The following PNMA5 variants were observed in gnomAD, a reference collection of about 807,000 sequenced individuals.
PNMA5 encodes the protein paraneoplastic antigen-like protein 5.
For missense variants in PNMA5, 334 were observed against 356.6 expected (o/e 0.94, Z 0.51); for synonymous variants, 138 against 137.9 (o/e 1.00, Z 0.00).
chrX:152,994,009 C>G (rs1273650003), intron 1 of PNMA5, 24 bp downstream of exon 1: 1 of 113,400 alleles, frequency 8.8e-6, no homozygotes, highest in African/African-American at 3.2e-5. Context: ...GGTTGCTGTC[C>G]GAGCCCGGGG....
rs1556924424 is a variant in PNMA5 at position 152,991,014 on chromosome X, C to T, written c.585G>A (p.Glu195=). 5.0e-6 allele frequency: 6 copies of T among 1,205,338 alleles called. No individual in the cohort carries two copies. The South Asian group carries it at 1.1e-4, about 22-fold the overall frequency. Reference sequence around the variant, plus strand: ...AGCTCTCCAGCAAACGCCGCCTCTTCTCCACCTCAGACACTTGCCATATGG... The same window carrying T: ...AGCTCTCCAGCAAACGCCGCCTCTTTTCCACCTCAGACACTTGCCATATGG... ...IMPIWQVSEV[E]KRRRLLESLR... Residue 195 remains glutamate, a synonymous_variant, in exon 4 of 4, where the codon GAG becomes GAA. Coordinates refer to ENST00000535214, the MANE Select transcript of PNMA5 (RefSeq NM_001184924.2).
In PNMA5 at chrX:152,990,921, C is replaced by T; in HGVS notation, c.678G>A (p.Gln226=). Residue 226 remains glutamine (Q), a synonymous_variant, in exon 4 of 4, where the codon CAG becomes CAA. Coordinates refer to ENST00000535214, the MANE Select transcript of PNMA5 (RefSeq NM_001184924.2). ...AGATCTGCTTTAGGGCGTCAAGGCA[C>T]TGCTCCACAGTTATGGAGTCATTGT... ...QANNDSITVE[Q]CLDALKQIFG... The T allele has an allele frequency of 1.7e-6, 2 of 1,202,445 alleles. No individual in the cohort carries two copies. Among genetic ancestry groups the T allele is most frequent in the Admixed American group, 4.5e-5 (2 of 44,723 alleles).
chrX:152,989,892 A>C lies in PNMA5; in HGVS notation c.*360T>G. On this transcript the variant is annotated 3_prime_UTR_variant, in exon 4 of 4. Coordinates refer to ENST00000535214, the MANE Select transcript of PNMA5 (RefSeq NM_001184924.2). ...ATGCTCAGCTCAAAGTCCACAGGGT[A>C]GATATTTGGGGGTGTCCAGAGGACC... 3.2e-5 allele frequency: 5 copies of C among 157,267 alleles called. No individual in the cohort carries two copies. Among genetic ancestry groups the C allele is most frequent in the Non-Finnish European group, 5.0e-5 (4 of 79,243 alleles). The allele number at this position is 157,267 out of a possible 1,213,427, so 13.0% of individuals were successfully genotyped here.
chrX:152,990,703 G>T lies in PNMA5; in HGVS notation c.896C>A (p.Thr299Asn). Reference protein sequence around the residue: ...LKHLLARVAMTPALRGKLELL... With the variant: ...LKHLLARVAMNPALRGKLELL... The stretch of plus-strand genomic sequence containing the variant: ...CTCCAGCTTGCCCCTGAGGGCGGGG[G>T]TCATGGCGACCCGAGCTAAGAGATG... Residue 299 changes from threonine (T) to asparagine (N), a missense_variant, in exon 4 of 4, where the codon ACC becomes AAC. Physicochemically the swap from Thr to Asn is moderately conservative, Grantham distance 65. Transcript: ENST00000535214. The T allele has an allele frequency of 8.4e-7, 1 of 1,197,458 alleles. No homozygotes were observed. Among genetic ancestry groups the T allele is most frequent in the Admixed American group, 2.3e-5 (1 of 43,809 alleles).
At position 152,991,454 on chromosome X, in the gene PNMA5, A is replaced by G. The variant is rs782379919; in HGVS notation, c.145T>C (p.Tyr49His). ...CTGAACATTCTCCCTAGGACCCTGT[A>G]TGCGCACAGGGGCTGTAAGCCTGCC... is the stretch of plus-strand genomic sequence containing the variant. ...VKAGLQPLCA[Y>H]RVLGRMFRRE... Residue 49 changes from tyrosine (Y) to histidine (H), a missense_variant, in exon 4 of 4, where the codon TAC becomes CAC. By Grantham distance (83) the Tyr-to-His change is moderately conservative (BLOSUM62 2). Transcript: ENST00000535214. The G allele has an allele frequency of 8.3e-7, 1 of 1,206,171 alleles. No homozygotes were observed. Among genetic ancestry groups the G allele is most frequent in the Admixed American group, 2.2e-5 (1 of 45,506 alleles).
intron 1 of PNMA5, among the ~76,000 whole-genome samples, 153 bp from the exon 2 acceptor site, chrX:152,992,939 G>A (rs974328121): frequency 1.3e-4 from 13 of 100,207 alleles, no homozygotes; most frequent in Non-Finnish European, 2.4e-4. Context: ...GGAGCGGAGC[G>A]GGGGGAGGAG....
At chrX:152,992,401 G>A (rs1162380847) in intron 2 of PNMA5, among the ~76,000 whole-genome samples, 1 of 112,309 alleles carries the variant, frequency 8.9e-6, no homozygotes, top group Non-Finnish European at 1.9e-5. Flanking sequence ...GGTGGGAGAG[G>A]GAAGGCGAGA....
Position 152,990,681 on chromosome X carries a change from C to T in PNMA5, c.918G>A (p.Leu306=). 1 of 1,190,872 alleles carries T rather than the reference C, an allele frequency of 8.4e-7. No homozygotes were observed. Among genetic ancestry groups the T allele is most frequent in the Non-Finnish European group, 1.1e-6 (1 of 887,592 alleles). The change falls in exon 4 of 4, where the codon CTG becomes CTA. Residue 306 remains leucine, a synonymous_variant. Coordinates refer to ENST00000535214, the MANE Select transcript of PNMA5 (RefSeq NM_001184924.2). ...VAMTPALRGK[L]ELLDQRGCPP... ...GACACCCTCGCTGATCCAAGAGCTCCAGCTTGCCCCTGAGGGCGGGGGTCA... is the reference window on the plus strand; with the variant it reads ...GACACCCTCGCTGATCCAAGAGCTCTAGCTTGCCCCTGAGGGCGGGGGTCA...
rs1160141295 is a variant in PNMA5, at chrX:152,989,684, T to A, written c.*568A>T. ...CACTGGTGCAGGGGCTTATGAATGC[T>A]GCCTTCCTGGGGCTCCCCTCATGCA... On this transcript the variant is annotated 3_prime_UTR_variant, in exon 4 of 4. Transcript: ENST00000535214. 1 of 121,040 alleles carries A rather than the reference T, an allele frequency of 8.3e-6. No homozygotes were observed. The highest frequency in any genetic ancestry group is 1.9e-5 in the Non-Finnish European group (1 of 53,660). The allele number at this position is 121,040 out of a possible 1,213,427, so 10.0% of individuals were successfully genotyped here.
chrX:152,992,325 G>A (rs1277925694), intron 2 of PNMA5: 1 of 112,335 alleles, frequency 8.9e-6, no homozygotes, highest in South Asian at 3.7e-4. Flanking sequence ...GTAAGGCCAA[G>A]GTCCTTGAAA....
chrX:152,991,995 A>C lies in PNMA5; in HGVS notation c.-199-18T>G, dbSNP rs1422116139. 1.5e-5 allele frequency: 2 copies of C among 129,462 alleles called. No homozygotes were observed. The highest frequency in any genetic ancestry group is 3.1e-5 in the Non-Finnish European group (2 of 65,313). The allele number at this position is 129,462 out of a possible 1,213,427, so 10.7% of individuals were successfully genotyped here. A position where few individuals can be genotyped will look rare whatever the true frequency, so the allele number is the denominator to read the frequency against. On this transcript the variant is annotated intron_variant, in intron 2 of 3. Transcript: ENST00000535214. ...TCGGGTGCCTGTAGTGAAAAGGCCAACGTCAGGAGGCAGGGCCTGACACCT... is the reference window on the plus strand; with the variant it reads ...TCGGGTGCCTGTAGTGAAAAGGCCACCGTCAGGAGGCAGGGCCTGACACCT...
intron 1 of PNMA5, among the ~76,000 whole-genome samples, 151 bp from the exon 2 acceptor site, chrX:152,992,937 G>T (rs908895182): frequency 3.3e-4 from 33 of 100,705 alleles, no homozygotes; most frequent in Admixed American, 1.6e-3. Flanking sequence ...AGGGAGCGGA[G>T]CGGGGGGAGG....
intron 1 of PNMA5, among the ~76,000 whole-genome samples, 152 bp from the exon 2 acceptor site, chrX:152,992,938 C>A (rs72616418): frequency 2.6e-5 from 2 of 77,284 alleles, no homozygotes; most frequent in Non-Finnish European, 4.9e-5. Context: ...GGGAGCGGAG[C>A]GGGGGGAGGA....
At chrX:152,992,938 CG>C (rs1187024330) in intron 1 of PNMA5, among the ~76,000 whole-genome samples, 152 bp from the exon 2 acceptor site, 1 of 77,284 alleles carries the variant, frequency 1.3e-5, no homozygotes, top group Non-Finnish European at 2.5e-5. Flanking sequence ...GGGAGCGGAG[CG>C]GGGGGAGGAG....
Position 152,992,691 on chromosome X carries a change from T to G in PNMA5, c.-234A>C, listed in dbSNP as rs1194243633. ...TTGGCCCTGCTGGCAGCGCGGATGCTGCAATAACACAGCCACTTCAGACTC... is the reference window on the plus strand; with the variant it reads ...TTGGCCCTGCTGGCAGCGCGGATGCGGCAATAACACAGCCACTTCAGACTC... On this transcript the variant is annotated 5_prime_UTR_variant, in exon 2 of 4. Coordinates refer to ENST00000535214, the MANE Select transcript of PNMA5 (RefSeq NM_001184924.2). 1 of 111,618 alleles carries G rather than the reference T, an allele frequency of 9.0e-6. No homozygotes were observed. Among genetic ancestry groups the G allele is most frequent in the Non-Finnish European group, 1.9e-5 (1 of 53,112 alleles). 9.2% of individuals were successfully genotyped at this position (111,618 alleles called of 1,213,427 possible).
rs2126029984 is a variant in PNMA5 at position 152,990,828 on chromosome X, C to T, written c.771G>A (p.Glu257=). The T allele has an allele frequency of 6.7e-6, 8 of 1,200,066 alleles. No individual in the cohort carries two copies. The highest frequency in any genetic ancestry group is 9.0e-6 in the Non-Finnish European group (8 of 890,691). ...RFLQTSPKIG[E]KVSTFLLRLE... is the part of the protein sequence containing the mutation. ...AGCGCAGCAGGAAAGTGGAGACTTT[C>T]TCTCCAATCTTCGGAGAGGTCTGCA... Residue 257 remains glutamate (E), a synonymous_variant, in exon 4 of 4, where the codon GAG becomes GAA. Coordinates refer to ENST00000535214, the MANE Select transcript of PNMA5 (RefSeq NM_001184924.2).
In PNMA5 at chrX:152,991,363, G is replaced by C; in HGVS notation, c.236C>G (p.Pro79Arg). The change falls in exon 4 of 4, where the codon CCC (proline) becomes CGC (arginine). Residue 79 changes from proline (P) to arginine (R), a missense_variant. Coordinates refer to ENST00000535214, the MANE Select transcript of PNMA5 (RefSeq NM_001184924.2). ...LADTVNYTTL[P>R]SHIPGKGGSW... ...GCCACCCTTTCCTGGTATGTGACTGGGCAGAGTAGTGTAATTGACAGTGTC... is the reference window on the plus strand; with the variant it reads ...GCCACCCTTTCCTGGTATGTGACTGCGCAGAGTAGTGTAATTGACAGTGTC... The C allele has an allele frequency of 8.3e-7, 1 of 1,203,780 alleles. No homozygotes were observed. The highest frequency in any genetic ancestry group is 1.1e-6 in the Non-Finnish European group (1 of 892,194).
intron 1 of PNMA5, among the ~76,000 whole-genome samples, chrX:152,993,457 G>A (rs2050924660): frequency 8.9e-6 from 1 of 111,756 alleles, no homozygotes. Flanking sequence ...AAGGTTCGAA[G>A]CCACTTTCCC....
intron 1 of PNMA5, among the ~76,000 whole-genome samples, chrX:152,993,637 T>A (rs1427416234): frequency 8.9e-6 from 1 of 112,259 alleles, no homozygotes; most frequent in Non-Finnish European, 1.9e-5. Flanking sequence ...CTCCGCCCCC[T>A]GGGTTCAAGT....
Sources: gnomAD v4.1 joint callset for allele counts (sites outside exome capture counted in the v4.1 genomes callset) on GRCh38, gnomAD v4.1.1 for gene constraint, MANE v1.5 for transcripts, NCBI Gene and HGNC (gene_info 2026-07-23, HGNC 2026-07-21) for gene names.